ZSCAN2: variants seen among roughly 807,000 people sequenced by gnomAD.
The protein encoded by ZSCAN2 is zinc finger and SCAN domain-containing protein 2.
A neutral mutation model predicts 47.8 loss-of-function variants in ZSCAN2; 26 were observed. That is an observed-to-expected ratio of 0.54 (90% CI 0.40 to 0.75). The LOEUF (loss-of-function observed/expected upper bound fraction) is 0.75. Ranked by LOEUF, ZSCAN2 falls within the 30% of genes least tolerant of loss-of-function variation. ZSCAN2 has a pLI of 0.00. For synonymous variants in ZSCAN2, 305 were observed against 288.7 expected (o/e 1.06, Z -0.57); for missense variants, 732 against 785.4 (o/e 0.93, Z 0.81).
intron 2 of ZSCAN2, among the ~76,000 whole-genome samples, chr15:84,609,370 T>A (rs1346025962): frequency 6.7e-6 from 1 of 149,940 alleles, no homozygotes; most frequent in African/African-American, 2.5e-5. Flanking sequence ...CAACCCAGGC[T>A]GGAGTGCACT....
chr15:84,617,176 C>G (rs1044979369), intron 2 of ZSCAN2, among the ~76,000 whole-genome samples: 11 of 151,126 alleles, frequency 7.3e-5, no homozygotes, highest in Non-Finnish European at 1.3e-4. Flanking sequence ...TGGCTCACGC[C>G]TCTAATCCCA....
intron 2 of ZSCAN2, among the ~76,000 whole-genome samples, chr15:84,605,120 C>T (rs917243560): frequency 6.6e-6 from 1 of 152,172 alleles, no homozygotes; most frequent in African/African-American, 2.4e-5. Flanking sequence ...TAAAGTAATC[C>T]TGGGCTCTTA....
chr15:84,610,769 G>A (rs1474038563), intron 2 of ZSCAN2, among the ~76,000 whole-genome samples: 1 of 152,084 alleles, frequency 6.6e-6, no homozygotes, highest in Non-Finnish European at 1.5e-5. Context: ...TTACAGGCGT[G>A]AGCCACTGCA....
intron 2 of ZSCAN2, chr15:84,616,706 C>T (rs1334226469): frequency 9.8e-7 from 1 of 1,022,768 alleles, no homozygotes; most frequent in Non-Finnish European, 1.2e-6. Context: ...TATTCAATTA[C>T]TAAAATCACC....
At chr15:84,611,099 C>G (rs1455990385) in intron 2 of ZSCAN2, among the ~76,000 whole-genome samples, 1 of 151,762 alleles carries the variant, frequency 6.6e-6, no homozygotes, top group African/African-American at 2.4e-5. Flanking sequence ...CAAGACCAGC[C>G]TGGCCAACAT....
At chr15:84,608,530 C>CAAAAA (rs1181525313) in intron 2 of ZSCAN2, among the ~76,000 whole-genome samples, 3 of 92,654 alleles carry the variant, frequency 3.2e-5, no homozygotes, top group Admixed American at 1.2e-4. Context: ...GACTCTGTCT[C>CAAAAA]AAAAAAAAAA....
rs770068661 is a variant in ZSCAN2 at position 84,603,964 on chromosome 15, C to G, written c.37C>G (p.Leu13Val). The change falls in exon 2 of 3, where the codon CTG becomes GTG. Residue 13 changes from leucine to valine, a missense_variant. Leu to Val is a conservative substitution (Grantham distance 32). Around this residue, in one of 2 missense-constraint regions of ZSCAN2, gnomAD observed 320 missense variants for 287.4 expected, o/e 1.11. Coordinates refer to ENST00000546148, the MANE Select transcript of ZSCAN2 (RefSeq NM_181877.4). ...AGACATCCCGAGAGTGACCACTCCG[C>G]TGAGCTCCTTGGTCCAGGTGCCTCA... ...AADIPRVTTPLSSLVQVPQEE... is the reference protein window; with the variant it reads ...AADIPRVTTPVSSLVQVPQEE... 1.2e-6 allele frequency: 2 copies of G among 1,613,784 alleles called. No individual in the cohort carries two copies. The highest frequency in any genetic ancestry group is 2.7e-5 in the African/African-American group (2 of 74,890).
At chr15:84,601,838 G>A (rs961669713) in intron 1 of ZSCAN2, 3 of 151,972 alleles carry the variant, frequency 2.0e-5, no homozygotes, top group Non-Finnish European at 2.9e-5. Context: ...GAGCTACAGC[G>A]CTTGGGCTAA....
chr15:84,608,546 A>AG (rs1895451222), intron 2 of ZSCAN2, among the ~76,000 whole-genome samples: 1 of 151,470 alleles, frequency 6.6e-6, no homozygotes, highest in South Asian at 2.1e-4. Context: ...AAAAAAAAAA[A>AG]AAAAGAAACT....
Position 84,621,710 on chromosome 15 carries a change from C to T in ZSCAN2, c.1515C>T (p.Ser505=), listed in dbSNP as rs141281638. 2.3e-5 allele frequency: 37 copies of T among 1,614,030 alleles called. No homozygotes were observed. Among genetic ancestry groups the T allele is most frequent in the East Asian group, 6.7e-5 (3 of 44,890 alleles). Reference sequence around the variant, plus strand: ...CGGGAGAGAAACCCTACAAATGCAGCGAGTGTGGGAAATGCTTCAGCCAGC... The same window carrying T: ...CGGGAGAGAAACCCTACAAATGCAGTGAGTGTGGGAAATGCTTCAGCCAGC... ...IHTGEKPYKC[S]ECGKCFSQRS... Residue 505 remains serine (S), a synonymous_variant, in exon 3 of 3, where the codon AGC becomes AGT. Transcript: ENST00000546148. The surrounding 1 kb of genome is among the most constrained non-coding windows in gnomAD (Gnocchi z 5.7).
At position 84,604,296 on chromosome 15, in the gene ZSCAN2, C is replaced by T; in HGVS notation, c.369C>T (p.Ala123=). The T allele has an allele frequency of 1.2e-6, 2 of 1,613,366 alleles. No homozygotes were observed. The highest frequency in any genetic ancestry group is 1.7e-6 in the Non-Finnish European group (2 of 1,179,590). The change falls in exon 2 of 3, where the codon GCC becomes GCT. Residue 123 remains alanine, a synonymous_variant. Transcript: ENST00000546148. The part of the protein sequence containing the change: ...HRPESSEEAA[A]LVEDLTQTLQ... Reference sequence around the variant, plus strand: ...CTGAAAGCAGTGAGGAGGCAGCGGCCCTGGTGGAAGACTTGACCCAGACCC... The same window carrying T: ...CTGAAAGCAGTGAGGAGGCAGCGGCTCTGGTGGAAGACTTGACCCAGACCC...
At position 84,604,207 on chromosome 15, in the gene ZSCAN2, A is replaced by G. The variant is rs775135117; in HGVS notation, c.280A>G (p.Thr94Ala). Reference sequence around the variant, plus strand: ...GCGCTGGCTGAGACCAGAGGTACACACCAAGGAGCAGATGTTAACCATGCT... The same window carrying G: ...GCGCTGGCTGAGACCAGAGGTACACGCCAAGGAGCAGATGTTAACCATGCT... ...CRRWLRPEVH[T>A]KEQMLTMLPK... The change falls in exon 2 of 3, where the codon ACC (threonine) becomes GCC (alanine). Residue 94 changes from threonine (T) to alanine (A), a missense_variant. Transcript: ENST00000546148. 2 of 1,613,908 alleles carry G rather than the reference A, an allele frequency of 1.2e-6. No individual in the cohort carries two copies. Among genetic ancestry groups the G allele is most frequent in the Non-Finnish European group, 1.7e-6 (2 of 1,179,940 alleles).
Position 84,621,136 on chromosome 15 carries a change from G to C in ZSCAN2, c.941G>C (p.Ser314Thr). Residue 314 changes from serine (S) to threonine (T), a missense_variant, in exon 3 of 3, where the codon AGC (serine) becomes ACC (threonine). By Grantham distance (58) the Ser-to-Thr change is moderately conservative. Transcript: ENST00000546148. This position sits in a 1 kb window ranked among gnomAD's most constrained non-coding sequence, Gnocchi z 5.7. ...TTCCAGTGTGCCGAGTGTGGCAAGAGCTTCAGCAGGAGTCCCAACCTCATT... is the reference window on the plus strand; with the variant it reads ...TTCCAGTGTGCCGAGTGTGGCAAGACCTTCAGCAGGAGTCCCAACCTCATT... ...KPFQCAECGK[S>T]FSRSPNLIAH... 1 of 1,613,904 alleles carries C rather than the reference G, an allele frequency of 6.2e-7. No individual in the cohort carries two copies. The highest frequency in any genetic ancestry group is 8.5e-7 in the Non-Finnish European group (1 of 1,179,970).
rs771551962 is a variant in ZSCAN2 at position 84,621,266 on chromosome 15, T to C, written c.1071T>C (p.Thr357=). The C allele has an allele frequency of 3.7e-6, 6 of 1,612,688 alleles. No homozygotes were observed. In the South Asian group the frequency reaches 5.5e-5, roughly 15 times the overall value. Residue 357 remains threonine, a synonymous_variant, in exon 3 of 3, where the codon ACT becomes ACC. Transcript: ENST00000546148. This position sits in a 1 kb window ranked among gnomAD's most constrained non-coding sequence, Gnocchi z 5.7. Reference sequence around the variant, plus strand: ...TTAACACGCATCAGGGGATCCACACTGGAGAAAAGCCCTACGAATGTAAAG... The same window carrying C: ...TTAACACGCATCAGGGGATCCACACCGGAGAAAAGCCCTACGAATGTAAAG... ...SSLNTHQGIH[T]GEKPYECKEC...
In ZSCAN2 at chr15:84,604,091, C is replaced by G; in HGVS notation, c.164C>G (p.Pro55Arg). 2.5e-6 allele frequency: 4 copies of G among 1,614,118 alleles called. No homozygotes were observed. Among genetic ancestry groups the G allele is most frequent in the Non-Finnish European group, 3.4e-6 (4 of 1,180,010 alleles). ...VLQEDGPESE[P>R]FPQSAGKGGP... ...CAGGAGGATGGCCCTGAGTCTGAGC[C>G]CTTTCCCCAGAGTGCTGGCAAGGGC... The change falls in exon 2 of 3, where the codon CCC becomes CGC. Residue 55 changes from proline (P) to arginine (R), a missense_variant. By Grantham distance (103) the Pro-to-Arg change is moderately radical. Around this residue, in one of 2 missense-constraint regions of ZSCAN2, gnomAD observed 320 missense variants for 287.4 expected, o/e 1.11. Coordinates refer to ENST00000546148, the MANE Select transcript of ZSCAN2 (RefSeq NM_181877.4).
rs1473213952 is a variant in ZSCAN2, at chr15:84,622,851, AGT to A, written c.*814_*815del. On this transcript the variant is annotated 3_prime_UTR_variant, in exon 3 of 3. Transcript: ENST00000546148. ...GTTCTCGTGGGGTTTTGTCCTGGAG[AGT>A]GTAGTGAAGTCCGAGAGCCCTAGCT... 4 of 601,394 alleles carry A rather than the reference AGT, an allele frequency of 6.7e-6. No individual in the cohort carries two copies. The highest frequency in any genetic ancestry group is 3.1e-5 in the Admixed American group (1 of 32,232). 37.3% of individuals were successfully genotyped at this position (601,394 alleles called of 1,614,324 possible).
intron 2 of ZSCAN2, chr15:84,606,340 A>T: frequency 1.7e-6 from 1 of 577,652 alleles, no homozygotes; most frequent in Non-Finnish European, 3.1e-6. Flanking sequence ...ACAGATAGGA[A>T]ATATAAGTGC....
In ZSCAN2 at chr15:84,611,955, A is replaced by G. The variant is rs1233161860; in HGVS notation, c.406+7622A>G. ...TTCCCAGCTGCCACCATCTCCTCTC[A>G]TCTCCATTCACAACGTGGTAAGAAT... On this transcript the variant is annotated intron_variant, in intron 2 of 2. Coordinates refer to ENST00000546148, the MANE Select transcript of ZSCAN2 (RefSeq NM_181877.4). 5.3e-5 allele frequency: 8 copies of G among 152,122 alleles called. No individual in the cohort carries two copies. The East Asian group carries it at 1.5e-3, about 29-fold the overall frequency. 9.4% of individuals were successfully genotyped at this position (152,122 alleles called of 1,614,324 possible). A position where few individuals can be genotyped will look rare whatever the true frequency, so the allele number is the denominator to read the frequency against.
chr15:84,617,949 A>G (rs1285805039), intron 2 of ZSCAN2, among the ~76,000 whole-genome samples: 2 of 152,302 alleles, frequency 1.3e-5, no homozygotes, highest in East Asian at 3.9e-4. Context: ...CAAAAAAATA[A>G]AAAATAAAAA....
Sources: gnomAD v4.1 joint callset for allele counts (sites outside exome capture counted in the v4.1 genomes callset) on GRCh38, gnomAD v4.1.1 for gene constraint, gnomAD v4.1.1 regional missense constraint, Gnocchi (gnomAD v3.1) non-coding constraint, MANE v1.5 for transcripts, NCBI Gene and HGNC (gene_info 2026-07-23, HGNC 2026-07-21) for gene names.